Variants in LYPD6 observed in about 807,000 individuals in gnomAD.
LYPD6 encodes the protein ly6/PLAUR domain-containing protein 6.
In LYPD6, 15 loss-of-function variants were observed where a neutral mutation model predicts 22.7. The ratio of observed to expected loss-of-function variants is 0.66; its 90% CI spans 0.44 to 1.02. The LOEUF (loss-of-function observed/expected upper bound fraction) is 1.02, where lower values mean the gene tolerates loss of function less well. Ranked by LOEUF, LYPD6 falls within the 50% of genes least tolerant of loss-of-function variation. The pLI is 0.00. For synonymous variants in LYPD6, 72 were observed against 77.5 expected (o/e 0.93, Z 0.37); for missense variants, 189 against 208.4 (o/e 0.91, Z 0.57).
At chr2:149,429,828 C>G (rs1032396487) in intron 1 of LYPD6, among the ~76,000 whole-genome samples, 1 of 152,142 alleles carries the variant, frequency 6.6e-6, no homozygotes, top group Non-Finnish European at 1.5e-5. Flanking sequence ...TATGAAGTCT[C>G]AGTAGCTCCT....
intron 1 of LYPD6, among the ~76,000 whole-genome samples, chr2:149,434,771 G>A (rs1002720928): frequency 6.6e-6 from 1 of 152,154 alleles, no homozygotes; most frequent in Non-Finnish European, 1.5e-5. Context: ...ATCACGGCAA[G>A]TTCCTGTCCT....
intron 1 of LYPD6, among the ~76,000 whole-genome samples, chr2:149,380,652 C>T (rs745704441): frequency 5.8e-4 from 88 of 152,214 alleles, no homozygotes; most frequent in Middle Eastern, 3.4e-3. Context: ...ATGAGACCTC[C>T]AGGAGAAAAC....
chr2:149,368,652 C>A (rs1681733371), intron 1 of LYPD6, among the ~76,000 whole-genome samples: 1 of 152,068 alleles, frequency 6.6e-6, no homozygotes, highest in Non-Finnish European at 1.5e-5. Context: ...AAGGGATAAT[C>A]CAATCAGATT....
chr2:149,419,829 G>GGTGT (rs61066659), intron 1 of LYPD6, among the ~76,000 whole-genome samples: 6 of 149,926 alleles, frequency 4.0e-5, no homozygotes, highest in South Asian at 2.1e-4. Context: ...ATGTGCTCAG[G>GGTGT]GTGTGTGTGT....
rs1454369005 is a variant in LYPD6 at position 149,470,734 on chromosome 2, A to T, written c.400A>T (p.Asn134Tyr). Reference protein sequence around the residue: ...GNICNLPLPRNETDATFATTS... With the variant: ...GNICNLPLPRYETDATFATTS... ...TATCTGTAACTTGCCACTGCCCCGA[A>T]ATGAAACTGATGCCACATTTGCCAC... The change falls in exon 5 of 5, where the codon AAT (asparagine) becomes TAT (tyrosine). Residue 134 changes from asparagine to tyrosine, a missense_variant. Transcript: ENST00000334166. The T allele has an allele frequency of 6.2e-7, 1 of 1,613,820 alleles. No homozygotes were observed. The highest frequency in any genetic ancestry group is 1.7e-4 in the Middle Eastern group (1 of 6,054).
At chr2:149,437,563 A>G in intron 1 of LYPD6, 75 bp from the exon 2 acceptor site, 1 of 1,317,102 alleles carries the variant, frequency 7.6e-7, no homozygotes, top group South Asian at 1.4e-5. Flanking sequence ...CCATCTTACC[A>G]GCATGGGAGC....
At chr2:149,456,969 C>A (rs1178354331) in intron 3 of LYPD6, among the ~76,000 whole-genome samples, 2 of 152,154 alleles carry the variant, frequency 1.3e-5, no homozygotes, top group East Asian at 3.9e-4. Flanking sequence ...TAGTTGTAAT[C>A]CGTTCATTCT....
intron 1 of LYPD6, among the ~76,000 whole-genome samples, chr2:149,396,617 C>T (rs1419022508): frequency 6.6e-6 from 1 of 152,058 alleles, no homozygotes; most frequent in Non-Finnish European, 1.5e-5. Flanking sequence ...ATTTTTGTTG[C>T]ATTAGAGTCT....
chr2:149,422,919 G>A (rs1683111364), intron 1 of LYPD6, among the ~76,000 whole-genome samples: 1 of 152,114 alleles, frequency 6.6e-6, no homozygotes, highest in Non-Finnish European at 1.5e-5. Flanking sequence ...CATCCATGTT[G>A]CTGCAATTGA....
At chr2:149,444,116 T>G (rs1409653308) in intron 2 of LYPD6, among the ~76,000 whole-genome samples, 3 of 152,150 alleles carry the variant, frequency 2.0e-5, no homozygotes, top group African/African-American at 2.4e-5. Flanking sequence ...GTATTTTTAG[T>G]AGAGACAGGA....
intron 2 of LYPD6, among the ~76,000 whole-genome samples, chr2:149,446,602 A>G (rs1683694426): frequency 6.6e-6 from 1 of 152,098 alleles, no homozygotes; most frequent in African/African-American, 2.4e-5. Context: ...ATGAAAATGG[A>G]GTGGTTGGAT....
At chr2:149,377,781 A>ACCC (rs70994571) in intron 1 of LYPD6, among the ~76,000 whole-genome samples, 292 of 94,252 alleles carry the variant, frequency 3.1e-3, no homozygotes, top group African/African-American at 4.1e-3. Flanking sequence ...CTTTGTCCCC[A>ACCC]CCCCCCCCCC....
upstream of LYPD6, chr2:149,330,373 CT>C (rs997010583): frequency 1.3e-5 from 2 of 151,306 alleles, no homozygotes; most frequent in African/African-American, 2.4e-5. Context: ...AGTTTGCAGA[CT>C]TGGCGCTCAG....
intron 3 of LYPD6, among the ~76,000 whole-genome samples, chr2:149,464,962 C>G (rs766969455): frequency 6.6e-6 from 1 of 151,896 alleles, no homozygotes; most frequent in Non-Finnish European, 1.5e-5. Context: ...GGAGATAATG[C>G]GTTGGGTTGA....
chr2:149,418,120 C>G (rs890844807), intron 1 of LYPD6, among the ~76,000 whole-genome samples: 1 of 152,202 alleles, frequency 6.6e-6, no homozygotes, highest in African/African-American at 2.4e-5. Flanking sequence ...TGGGCTCGAT[C>G]TCTATGGCCT....
At chr2:149,393,315 A>G (rs77859860) in intron 1 of LYPD6, among the ~76,000 whole-genome samples, 87 of 152,242 alleles carry the variant, frequency 5.7e-4, no homozygotes, top group Admixed American at 1.9e-3. Flanking sequence ...TTTAAAACCT[A>G]TTCTTGTGTT....
chr2:149,392,158 A>G (rs1210314098), intron 1 of LYPD6, among the ~76,000 whole-genome samples: 2 of 152,074 alleles, frequency 1.3e-5, no homozygotes, highest in Non-Finnish European at 2.9e-5. Flanking sequence ...CTTCCTATAT[A>G]GGGCACTAAT....
At chr2:149,483,643 AC>A in the LYPD6 span, among the ~76,000 whole-genome samples, 3 of 152,212 alleles carry the variant, frequency 2.0e-5, no homozygotes, top group Admixed American at 6.5e-5. Context: ...AAATGTTCTC[AC>A]TGCAAAAAAT....
intron 3 of LYPD6, among the ~76,000 whole-genome samples, chr2:149,451,572 A>G (rs934808750): frequency 2.0e-5 from 3 of 152,322 alleles, no homozygotes; most frequent in African/African-American, 2.4e-5. Context: ...AGAAAAAGCA[A>G]GGGACCAGAA....
Sources: allele counts gnomAD v4.1 joint callset (sites outside exome capture counted in the v4.1 genomes callset), GRCh38; gene constraint gnomAD v4.1.1; transcripts MANE v1.5; gene names NCBI Gene and HGNC (gene_info 2026-07-23, HGNC 2026-07-21).